The following DGKG variants were observed in gnomAD, a reference collection of about 807,000 sequenced individuals.
The protein encoded by DGKG is DAG kinase gamma.
DGKG carries 78 observed loss-of-function variants against 105.3 expected under a neutral mutation model. The ratio of observed to expected loss-of-function variants is 0.74; its 90% confidence interval spans 0.62 to 0.89. The LOEUF (loss-of-function observed/expected upper bound fraction) is 0.89. DGKG is among the 40% of genes least tolerant of loss of function. DGKG has a pLI of 0.00. For missense variants in DGKG, 958 were observed against 1,020.1 expected (o/e 0.94, Z 0.83); for synonymous variants, 346 against 367.1 (o/e 0.94, Z 0.66).
At chr3:186,335,032 T>A (rs1299136312) in intron 1 of DGKG, among the ~76,000 whole-genome samples, 3 of 152,128 alleles carry the variant, frequency 2.0e-5, no homozygotes, top group South Asian at 2.1e-4. Flanking sequence ...AAGAACAAAT[T>A]AATTTTCTAA....
chr3:186,261,757 C>T lies in DGKG; in HGVS notation c.1291G>A (p.Gly431Ser). The T allele has an allele frequency of 6.2e-7, 1 of 1,606,780 alleles. No individual in the cohort carries two copies. Among genetic ancestry groups the T allele is most frequent in the Non-Finnish European group, 8.5e-7 (1 of 1,176,786 alleles). The change falls in exon 15 of 25, where the codon GGT (glycine) becomes AGT (serine). Residue 431 changes from glycine to serine, a missense_variant. Physicochemically the swap from Gly to Ser is moderately conservative, Grantham distance 56. Around this residue, in one of 2 missense-constraint regions of DGKG, gnomAD observed 643 missense variants for 619.5 expected, o/e 1.04. Coordinates refer to ENST00000265022, the MANE Select transcript of DGKG (RefSeq NM_001346.3). Reference protein sequence around the residue: ...VMQYKIIPTPGTHPLLVLVNP... With the variant: ...VMQYKIIPTPSTHPLLVLVNP... ...ACCAAGACCAGCAGGGGGTGGGTAC[C>T]CGGGGTGGGGATGATCTTATACTTG...
At chr3:186,164,785 T>TG (rs1458375630) in intron 23 of DGKG, 113 bp downstream of exon 23, 1 of 1,266,560 alleles carries the variant, frequency 7.9e-7, no homozygotes, top group East Asian at 2.4e-5. Flanking sequence ...ATTATCAAGC[T>TG]TTTGTGCTGC....
At chr3:186,280,624 T>G (rs1722787204) in intron 8 of DGKG, 46 bp downstream of exon 8, 1 of 1,466,040 alleles carries the variant, frequency 6.8e-7, no homozygotes, top group Non-Finnish European at 9.6e-7. Flanking sequence ...CCCCCTCCCG[T>G]CTTAGAAGCT....
intron 1 of DGKG, among the ~76,000 whole-genome samples, chr3:186,321,729 G>A (rs1296373384): frequency 6.6e-6 from 1 of 152,240 alleles, no homozygotes; most frequent in Non-Finnish European, 1.5e-5. Flanking sequence ...CTGGGGAAAT[G>A]TGTAGACTGG....
intron 24 of DGKG, among the ~76,000 whole-genome samples, chr3:186,152,266 C>T (rs968232081): frequency 4.6e-5 from 7 of 152,100 alleles, no homozygotes; most frequent in East Asian, 1.9e-4. Context: ...AGGAGAAAAC[C>T]GAGAATGCAT....
intron 1 of DGKG, among the ~76,000 whole-genome samples, chr3:186,357,221 G>A (rs1727010838): frequency 1.3e-5 from 2 of 152,110 alleles, no homozygotes; most frequent in South Asian, 4.1e-4. Flanking sequence ...TCCAGGGACA[G>A]GTTCTCTTAA....
rs1192897396 is a variant in DGKG at position 186,148,223 on chromosome 3, CT to C, written c.*1866del. The stretch of plus-strand genomic sequence containing the variant: ...CTTGCTGAATGAAGCCCACTGAGCT[CT>C]GCTGAGACCCCTCTGTCCTGGCTGG... On this transcript the variant is annotated 3_prime_UTR_variant, in exon 25 of 25. Transcript: ENST00000265022. The C allele has an allele frequency of 2.0e-6, 2 of 985,360 alleles. No homozygotes were observed. The highest frequency in any genetic ancestry group is 3.5e-5 in the African/African-American group (2 of 57,232). The allele number at this position is 985,360 out of a possible 1,614,324, so 61.0% of individuals were successfully genotyped here.
At position 186,150,196 on chromosome 3, in the gene DGKG, C is replaced by A; in HGVS notation, c.2278-8G>T. On this transcript the variant is annotated splice_region_variant and splice_polypyrimidine_tract_variant and intron_variant, in intron 24 of 24. Transcript: ENST00000265022. ...CTTGTGAGTAATTTTAATCTAAAAG[C>A]AAAGAGGCAGAAATGAATTAGTGGC... The A allele has an allele frequency of 6.2e-7, 1 of 1,607,662 alleles. No individual in the cohort carries two copies. Among genetic ancestry groups the A allele is most frequent in the Non-Finnish European group, 8.5e-7 (1 of 1,176,354 alleles).
chr3:186,348,119 A>G (rs910900843), intron 1 of DGKG, among the ~76,000 whole-genome samples: 7 of 152,106 alleles, frequency 4.6e-5, no homozygotes, highest in Non-Finnish European at 4.4e-5. Flanking sequence ...TTAGCCCCAC[A>G]TTATTATCAT....
chr3:186,358,805 A>G (rs1425531792), intron 1 of DGKG, among the ~76,000 whole-genome samples: 1 of 152,124 alleles, frequency 6.6e-6, no homozygotes, highest in Non-Finnish European at 1.5e-5. Flanking sequence ...CTGATGGGTT[A>G]AGCTTGCTGA....
chr3:186,299,821 CT>C (rs1217555597), intron 3 of DGKG, among the ~76,000 whole-genome samples: 4 of 99,404 alleles, frequency 4.0e-5, no homozygotes, highest in Admixed American at 2.2e-4. Context: ...TTCTTTCTTT[CT>C]TTCTTTCTTT....
intron 1 of DGKG, among the ~76,000 whole-genome samples, chr3:186,344,280 G>A (rs1171555967): frequency 6.6e-6 from 1 of 152,172 alleles, no homozygotes; most frequent in African/African-American, 2.4e-5. Context: ...AAAGACACAT[G>A]TGTGCAAATG....
rs2108464243 is a variant in DGKG, at chr3:186,149,043, G to A, written c.*1047C>T. 1.0e-6 allele frequency: 1 copy of A among 982,708 alleles called. No homozygotes were observed. The highest frequency in any genetic ancestry group is 1.8e-5 in the African/African-American group (1 of 56,556). 60.9% of individuals were successfully genotyped at this position (982,708 alleles called of 1,614,324 possible). A position where few individuals can be genotyped will look rare whatever the true frequency, so the allele number is the denominator to read the frequency against. On this transcript the variant is annotated 3_prime_UTR_variant, in exon 25 of 25. Coordinates refer to ENST00000265022, the MANE Select transcript of DGKG (RefSeq NM_001346.3). ...ACACACACGCGCGCACACACGTTAA[G>A]ACCATCAGAAGGTCCTTCAGGTCAT... is the stretch of plus-strand genomic sequence containing the variant.
chr3:186,308,861 T>G (rs1201199018), intron 2 of DGKG, among the ~76,000 whole-genome samples: 4 of 152,230 alleles, frequency 2.6e-5, no homozygotes, highest in Non-Finnish European at 5.9e-5. Context: ...TGTCCCTTAC[T>G]GGAGACCTTC....
intron 22 of DGKG, among the ~76,000 whole-genome samples, chr3:186,177,511 T>TA (rs879907856): frequency 6.6e-6 from 1 of 152,228 alleles, no homozygotes; most frequent in Non-Finnish European, 1.5e-5. Flanking sequence ...TCCCACACTC[T>TA]TATAAACTCA....
intron 20 of DGKG, among the ~76,000 whole-genome samples, chr3:186,225,131 A>G (rs1719793584): frequency 6.7e-6 from 1 of 150,032 alleles, no homozygotes; most frequent in Non-Finnish European, 1.5e-5. Flanking sequence ...GTCTCACTCC[A>G]TTGCCCAGGC....
chr3:186,178,629 C>T (rs1349792366), intron 22 of DGKG, among the ~76,000 whole-genome samples: 2 of 152,174 alleles, frequency 1.3e-5, no homozygotes, highest in Non-Finnish European at 2.9e-5. Context: ...ACATTTCCAC[C>T]TCGCCAGGCC....
At chr3:186,255,932 C>G (rs1282279209) in intron 17 of DGKG, among the ~76,000 whole-genome samples, 1 of 152,190 alleles carries the variant, frequency 6.6e-6, no homozygotes, top group Non-Finnish European at 1.5e-5. Flanking sequence ...GTGAAAAAAA[C>G]TAATGTTTCT....
intron 24 of DGKG, chr3:186,161,201 G>T: frequency 1.0e-6 from 1 of 1,001,236 alleles, no homozygotes; most frequent in East Asian, 1.1e-4. Flanking sequence ...TGTAGATTTG[G>T]CTTCCACGTA....
Sources: gnomAD v4.1 joint callset for allele counts (sites outside exome capture counted in the v4.1 genomes callset) on GRCh38, gnomAD v4.1.1 for gene constraint, gnomAD v4.1.1 regional missense constraint, MANE v1.5 for transcripts, NCBI Gene and HGNC (gene_info 2026-07-23, HGNC 2026-07-21) for gene names.